TRAK1: variants seen among roughly 807,000 people sequenced by gnomAD.
The protein encoded by TRAK1 is trafficking kinesin protein 1, also known as trafficking kinesin-binding protein 1.
Under a neutral mutation model 92.1 loss-of-function variants are expected in TRAK1, and 33 were observed. The ratio of observed to expected loss-of-function variants is 0.36; its 90% CI spans 0.27 to 0.48. The LOEUF is 0.48. Ranked by LOEUF, TRAK1 falls within the 20% of genes least tolerant of loss-of-function variation. The pLI, the probability that TRAK1 is intolerant of heterozygous loss-of-function variation, is 0.99. For missense variants in TRAK1, 1,123 were observed against 1,257.9 expected (o/e 0.89, Z 1.62); for synonymous variants, 521 against 517.3 (o/e 1.01, Z -0.10).
chr3:42,132,961 A>G (rs1432592201), intron 2 of TRAK1, among the ~76,000 whole-genome samples: 1 of 152,146 alleles, frequency 6.6e-6, no homozygotes, highest in Non-Finnish European at 1.5e-5. Context: ...CCTCCTGGCC[A>G]TCCACTGGCC....
chr3:42,134,389 T>G (rs1033760875), intron 2 of TRAK1, among the ~76,000 whole-genome samples: 6 of 151,382 alleles, frequency 4.0e-5, no homozygotes, highest in African/African-American at 1.5e-4. Context: ...GTGATCCTTC[T>G]GTCTCAGCCT....
intron 2 of TRAK1, among the ~76,000 whole-genome samples, 185 bp from the exon 3 acceptor site, chr3:42,176,629 T>A (rs1703251650): frequency 6.6e-6 from 1 of 152,224 alleles, no homozygotes; most frequent in Non-Finnish European, 1.5e-5. Flanking sequence ...AGACTCATCC[T>A]CCAGTCGTTG....
At chr3:42,105,415 A>G (rs1707396157) in intron 1 of TRAK1, among the ~76,000 whole-genome samples, 1 of 152,264 alleles carries the variant, frequency 6.6e-6, no homozygotes, top group South Asian at 2.1e-4. Context: ...AAGAAAGGAT[A>G]TCAGTAATTG....
At chr3:42,214,079 C>A (rs891868847) in intron 14 of TRAK1, among the ~76,000 whole-genome samples, 2 of 152,192 alleles carry the variant, frequency 1.3e-5, no homozygotes, top group African/African-American at 4.8e-5. Flanking sequence ...AGAGTCAACC[C>A]TGCTTAAAAT....
intron 14 of TRAK1, chr3:42,210,820 T>C (rs1303125693): frequency 3.0e-6 from 3 of 985,240 alleles, no homozygotes; most frequent in African/African-American, 3.5e-5. Flanking sequence ...CTAGATGAAG[T>C]TGGAAAAGAG....
intron 14 of TRAK1, chr3:42,212,464 A>T: frequency 2.0e-6 from 2 of 985,410 alleles, no homozygotes; most frequent in Non-Finnish European, 2.4e-6. Context: ...CATGGAGAAA[A>T]AGTTTTAAGC....
At chr3:42,030,639 C>G (rs1267079795) in intron 1 of TRAK1, among the ~76,000 whole-genome samples, 2 of 130,996 alleles carry the variant, frequency 1.5e-5, no homozygotes, top group Non-Finnish European at 3.2e-5. Context: ...CACCACTGCA[C>G]TGCAGCCTGG....
At chr3:42,143,644 G>A (rs1319807091) in intron 2 of TRAK1, among the ~76,000 whole-genome samples, 4 of 152,206 alleles carry the variant, frequency 2.6e-5, no homozygotes, top group African/African-American at 4.8e-5. Flanking sequence ...AGGCTTACCC[G>A]AGACGGCTCC....
At chr3:42,058,199 T>A (rs1240135030) in intron 1 of TRAK1, among the ~76,000 whole-genome samples, 1 of 152,216 alleles carries the variant, frequency 6.6e-6, no homozygotes, top group African/African-American at 2.4e-5. Flanking sequence ...ATAATACTCA[T>A]GTACCTTGGC....
chr3:42,065,429 G>C (rs1239488544), intron 1 of TRAK1, among the ~76,000 whole-genome samples: 1 of 152,052 alleles, frequency 6.6e-6, no homozygotes, highest in African/African-American at 2.4e-5. Context: ...ACTTCAATGA[G>C]TATTTCCTTT....
chr3:42,053,741 C>T (rs1047407817), intron 1 of TRAK1, among the ~76,000 whole-genome samples: 10 of 152,020 alleles, frequency 6.6e-5, no homozygotes, highest in African/African-American at 2.4e-4. Flanking sequence ...TATCCCAAGT[C>T]CATCATACCG....
intron 1 of TRAK1, among the ~76,000 whole-genome samples, chr3:42,070,142 T>G (rs984448234): frequency 1.3e-5 from 2 of 151,996 alleles, no homozygotes; most frequent in Middle Eastern, 3.4e-3. Context: ...TAATCCACTG[T>G]GCCCAGCCTG....
At chr3:42,100,230 G>GTGGT (rs1348698120) in intron 1 of TRAK1, among the ~76,000 whole-genome samples, 1 of 152,178 alleles carries the variant, frequency 6.6e-6, no homozygotes, top group Non-Finnish European at 1.5e-5. Context: ...AGCCAGTGTG[G>GTGGT]TGGTGCATGC....
intron 13 of TRAK1, chr3:42,203,494 C>CTTTTT: frequency 2.1e-6 from 2 of 946,798 alleles, no homozygotes; most frequent in South Asian, 5.0e-5. Flanking sequence ...CCTCCTGCCT[C>CTTTTT]TTTTTTTTTT....
intron 1 of TRAK1, among the ~76,000 whole-genome samples, chr3:42,063,861 G>A (rs1194825313): frequency 6.6e-6 from 1 of 152,154 alleles, no homozygotes; most frequent in Non-Finnish European, 1.5e-5. Flanking sequence ...CGTTGGCCCG[G>A]TGATGTATTT....
chr3:42,015,448 C>T (rs1163623990), intron 1 of TRAK1, among the ~76,000 whole-genome samples: 2 of 151,690 alleles, frequency 1.3e-5, no homozygotes, highest in Admixed American at 6.5e-5. Flanking sequence ...TGTGTTGCTT[C>T]TCCTTCTCTG....
At chr3:42,187,852 A>G (rs992444975) in intron 4 of TRAK1, among the ~76,000 whole-genome samples, 193 bp from the exon 5 acceptor site, 1 of 152,244 alleles carries the variant, frequency 6.6e-6, no homozygotes, top group South Asian at 2.1e-4. Context: ...CCAAAAAGTA[A>G]TTGTGTTTCT....
intron 1 of TRAK1, among the ~76,000 whole-genome samples, chr3:42,078,577 C>T (rs1704267180): frequency 4.0e-5 from 6 of 151,742 alleles, no homozygotes; most frequent in Admixed American, 2.0e-4. Flanking sequence ...CACAGTGAAA[C>T]CCCATCTCTA....
At chr3:42,222,475 C>T (rs995747142) in intron 15 of TRAK1, among the ~76,000 whole-genome samples, 5 of 152,134 alleles carry the variant, frequency 3.3e-5, no homozygotes, top group African/African-American at 1.2e-4. Flanking sequence ...CTCCCAGAGT[C>T]CTGGTTCACG....
Sources: gnomAD v4.1 joint callset for allele counts (sites outside exome capture counted in the v4.1 genomes callset) on GRCh38, gnomAD v4.1.1 for gene constraint, MANE v1.5 for transcripts, NCBI Gene and HGNC (gene_info 2026-07-23, HGNC 2026-07-21) for gene names.